The following NLGN4Y variants were observed in gnomAD, a reference collection of about 807,000 sequenced individuals.
The protein encoded by NLGN4Y is neuroligin-4, Y-linked.
NLGN4Y carries 4 observed loss-of-function variants against 8.4 expected under a neutral mutation model. That is an observed-to-expected ratio of 0.48 (90% CI 0.23 to 1.09). The LOEUF (loss-of-function observed/expected upper bound fraction) is 1.09. Ranked by LOEUF, NLGN4Y falls within the 50% of genes least tolerant of loss-of-function variation. The probability of loss-of-function intolerance (pLI) is 0.19; values close to 1 mark genes in which losing one functional copy is unlikely to be tolerated. For synonymous variants in NLGN4Y, 35 were observed against 75.6 expected, an observed-to-expected ratio of 0.46 and a Z score of 2.78; for missense variants, 90 against 192.3, an observed-to-expected ratio of 0.47 and a Z score of 3.15.
In NLGN4Y at chrY:14,836,978, C is replaced by A. The variant is rs998665049; in HGVS notation, c.1662-3435C>A. Among the ~76,000 whole-genome samples the A allele has an allele frequency of 1.2e-4, 4 of 33,733 alleles. No individual in the cohort carries two copies. The East Asian group carries it at 3.1e-3, about 26-fold the overall frequency. 90.5% of individuals were successfully genotyped at this position (33,733 alleles called of 37,273 possible). ...TGCACTGAGTCTGAGGCTTGTACAT[C>A]AGATTGATTTCTATCTTTTTTGCAT... On this transcript the variant is annotated intron_variant, in intron 6 of 6. Coordinates refer to ENST00000684976, the MANE Select transcript of NLGN4Y (RefSeq NM_001365588.1).
chrY:14,755,928 T>C, intron 4 of NLGN4Y, among the ~76,000 whole-genome samples: 1 of 34,181 alleles, frequency 2.9e-5, no homozygotes, highest in African/African-American at 1.1e-4. Context: ...TAAAAGACTG[T>C]ACTACTTTTA....
At chrY:14,688,599 G>T (rs924901655) in intron 2 of NLGN4Y, among the ~76,000 whole-genome samples, 1 of 31,764 alleles carries the variant, frequency 3.1e-5, no homozygotes, top group African/African-American at 1.2e-4. Flanking sequence ...GTCTGATTGT[G>T]GCAGCTGAGA....
At chrY:14,729,954 C>G in intron 4 of NLGN4Y, among the ~76,000 whole-genome samples, 1 of 33,774 alleles carries the variant, frequency 3.0e-5, no homozygotes, top group South Asian at 6.6e-4. Flanking sequence ...CCTGGGCTCA[C>G]AGCTACAAGC....
At chrY:14,660,209 A>G in intron 2 of NLGN4Y, among the ~76,000 whole-genome samples, 1 of 33,525 alleles carries the variant, frequency 3.0e-5, no homozygotes, top group Non-Finnish European at 7.4e-5. Flanking sequence ...TCTTGGAGGC[A>G]GCCTGAAGGG....
Position 14,844,547 on chromosome Y carries a change from AATTTGATGG to A in NLGN4Y, c.*3288_*3296del, listed in dbSNP as rs2043239685. The A allele has an allele frequency of 2.9e-5, 1 of 34,396 alleles. No individual in the cohort carries two copies. Among genetic ancestry groups the A allele is most frequent in the Non-Finnish European group, 7.2e-5 (1 of 13,902 alleles). 8.6% of individuals were successfully genotyped at this position (34,396 alleles called of 400,897 possible). A position where few individuals can be genotyped will look rare whatever the true frequency, so the allele number is the denominator to read the frequency against. On this transcript the variant is annotated 3_prime_UTR_variant, in exon 7 of 7. Transcript: ENST00000684976. ...TGAAACATGCCCCCTTGGACAGGAA[AATTTGATGG>A]ATAACAGGATAGCATATCCTCATAT...
At chrY:14,584,953 T>TA (rs756952321) in intron 1 of NLGN4Y, among the ~76,000 whole-genome samples, 5 of 31,152 alleles carry the variant, frequency 1.6e-4, no homozygotes, top group African/African-American at 2.5e-4. Flanking sequence ...AACAATAAAA[T>TA]AAAAAAAAAT....
intron 4 of NLGN4Y, among the ~76,000 whole-genome samples, chrY:14,739,644 G>C: frequency 3.0e-5 from 1 of 33,257 alleles, no homozygotes; most frequent in African/African-American, 1.2e-4. Context: ...GATCATGTTT[G>C]AGTGTTTGAA....
chrY:14,533,596 T>G (rs1603498988), intron 1 of NLGN4Y, among the ~76,000 whole-genome samples: 6 of 33,333 alleles, frequency 1.8e-4, no homozygotes, highest in East Asian at 1.5e-3. Flanking sequence ...ATTCTTTTTT[T>G]TGTGTGTGTG....
chrY:14,792,840 AAGAG>A (rs2042990758), intron 4 of NLGN4Y, among the ~76,000 whole-genome samples: 1 of 8,996 alleles, frequency 1.1e-4, no homozygotes, highest in Non-Finnish European at 2.1e-4. Context: ...CTACATGTAG[AAGAG>A]AGAGAGAGTG....
chrY:14,798,444 T>C (rs978535238), intron 4 of NLGN4Y, among the ~76,000 whole-genome samples: 9 of 33,701 alleles, frequency 2.7e-4, no homozygotes, highest in South Asian at 2.0e-3. Flanking sequence ...GTGTTTCCTA[T>C]GAATGTTCTT....
intron 4 of NLGN4Y, among the ~76,000 whole-genome samples, chrY:14,746,561 GC>G (rs2081024742): frequency 3.0e-5 from 1 of 33,342 alleles, no homozygotes; most frequent in Non-Finnish European, 7.4e-5. Flanking sequence ...TAGAACTATG[GC>G]TTTCAGTCAT....
chrY:14,639,223 A>G, intron 2 of NLGN4Y: 2 of 170,080 alleles, frequency 1.2e-5, no homozygotes, highest in South Asian at 3.7e-5. Flanking sequence ...AGAGTAGCCT[A>G]TCAAGAAGCT....
chrY:14,796,396 A>G (rs2043009398), intron 4 of NLGN4Y, among the ~76,000 whole-genome samples: 1 of 31,376 alleles, frequency 3.2e-5, no homozygotes, highest in Non-Finnish European at 7.7e-5. Context: ...GATCGAGACC[A>G]TCCTGGCTAA....
chrY:14,564,894 C>G (rs1042304716), intron 1 of NLGN4Y, among the ~76,000 whole-genome samples: 21 of 33,220 alleles, frequency 6.3e-4, no homozygotes, highest in Non-Finnish European at 1.1e-3. Context: ...CCCAGGCAAT[C>G]AGGGTCAGGA....
intron 4 of NLGN4Y, among the ~76,000 whole-genome samples, chrY:14,811,775 T>C: frequency 8.9e-5 from 3 of 33,544 alleles, no homozygotes; most frequent in South Asian, 6.6e-4. Context: ...ATCTACATTA[T>C]TATTTATAAT....
intron 2 of NLGN4Y, among the ~76,000 whole-genome samples, chrY:14,702,424 G>C: frequency 3.2e-5 from 1 of 31,353 alleles, no homozygotes; most frequent in African/African-American, 1.3e-4. Context: ...TTGGTTTTTT[G>C]TCCTTGCGAT....
intron 1 of NLGN4Y, among the ~76,000 whole-genome samples, chrY:14,592,397 C>G: frequency 3.1e-5 from 1 of 32,723 alleles, no homozygotes; most frequent in Non-Finnish European, 7.5e-5. Context: ...GGTCTTTCCT[C>G]AGGATCAGTG....
At chrY:14,609,943 A>G (rs2080460295) in intron 1 of NLGN4Y, among the ~76,000 whole-genome samples, 1 of 33,018 alleles carries the variant, frequency 3.0e-5, no homozygotes, top group Non-Finnish European at 7.5e-5. Context: ...TATTCTTGGG[A>G]GAGTGTATGT....
rs371688721 is a variant in NLGN4Y, at chrY:14,796,631, T to C, written c.686-27557T>C. 3.4e-4 allele frequency among the ~76,000 whole-genome samples: 10 copies of C among 29,732 alleles called. No individual in the cohort carries two copies. In the East Asian group the frequency reaches 8.7e-3, roughly 26 times the overall value. The allele number at this position is 29,732 out of a possible 37,273, so 79.8% of individuals were successfully genotyped here. On this transcript the variant is annotated intron_variant, in intron 4 of 6. Transcript: ENST00000684976. ...TAATTGGTGACAACACAGATGTACC[T>C]GAAGGACATTATGTGAAGTGAAATG...
Sources: allele counts gnomAD v4.1 joint callset (sites outside exome capture counted in the v4.1 genomes callset), GRCh38; gene constraint gnomAD v4.1.1; transcripts MANE v1.5; gene names NCBI Gene and HGNC (gene_info 2026-07-23, HGNC 2026-07-21).